SCMH1: variants seen among roughly 807,000 people sequenced by gnomAD.
SCMH1 encodes Scm polycomb group protein homolog 1.
Under a neutral mutation model 70.8 loss-of-function variants are expected in SCMH1, and 37 were observed. The ratio of observed to expected loss-of-function variants is 0.52; its 90% CI spans 0.40 to 0.69. The LOEUF is 0.69. Ranked by LOEUF, SCMH1 falls within the 30% of genes least tolerant of loss-of-function variation. The pLI is 0.00. For missense variants in SCMH1, 607 were observed against 827.3 expected (o/e 0.73, Z 3.27); for synonymous variants, 292 against 307.4 (o/e 0.95, Z 0.52).
chr1:41,181,909 T>C (rs897748696), intron 2 of SCMH1, among the ~76,000 whole-genome samples: 2 of 152,222 alleles, frequency 1.3e-5, no homozygotes, highest in African/African-American at 4.8e-5. Flanking sequence ...CGTATGTTTA[T>C]TGCGGCACTA....
At chr1:41,135,801 C>T (rs1387529022) in intron 6 of SCMH1, among the ~76,000 whole-genome samples, 1 of 152,146 alleles carries the variant, frequency 6.6e-6, no homozygotes, top group African/African-American at 2.4e-5. Context: ...TCCACCATTG[C>T]AGAAAGTTCT....
chr1:41,117,425 A>G (rs747751662), intron 6 of SCMH1, among the ~76,000 whole-genome samples: 8 of 152,142 alleles, frequency 5.3e-5, no homozygotes, highest in Non-Finnish European at 4.4e-5. Context: ...GCCCGTTGCC[A>G]AGCGGACCGT....
At chr1:41,225,740 G>A (rs1053260508) in intron 1 of SCMH1, among the ~76,000 whole-genome samples, 1 of 152,192 alleles carries the variant, frequency 6.6e-6, no homozygotes, top group East Asian at 1.9e-4. Context: ...ATGGCCTATA[G>A]AAAATGACAG....
intron 1 of SCMH1, among the ~76,000 whole-genome samples, chr1:41,207,253 TAA>T (rs1283784397): frequency 1.3e-5 from 2 of 152,068 alleles, no homozygotes; most frequent in East Asian, 1.9e-4. Flanking sequence ...GCAAATTGGA[TAA>T]AGAGTCAAGA....
intron 7 of SCMH1, among the ~76,000 whole-genome samples, chr1:41,116,130 T>A (rs1670412032): frequency 6.6e-6 from 1 of 152,204 alleles, no homozygotes. Flanking sequence ...TTTTGGTAGA[T>A]CCCTTTACTG....
chr1:41,206,381 G>A (rs746339342), intron 1 of SCMH1, among the ~76,000 whole-genome samples: 5 of 152,166 alleles, frequency 3.3e-5, no homozygotes, highest in Non-Finnish European at 5.9e-5. Context: ...ACCATGGCAC[G>A]AGAACTTCAT....
At chr1:41,176,624 G>T (rs1647168902) in intron 2 of SCMH1, among the ~76,000 whole-genome samples, 1 of 152,222 alleles carries the variant, frequency 6.6e-6, no homozygotes, top group Non-Finnish European at 1.5e-5. Flanking sequence ...GGCTCGGAGG[G>T]TCCTATGCCC....
Position 41,210,734 on chromosome 1 carries a change from A to G in SCMH1, c.-117-24484T>C, listed in dbSNP as rs143469951. ...AAGATGAATTAAAGACTTAAATGTT[A>G]GACCTAAAACCATAAAAACCCTAGA... On this transcript the variant is annotated intron_variant, in intron 1 of 14. Coordinates refer to ENST00000337495, the Ensembl canonical transcript of SCMH1. Among the ~76,000 whole-genome samples, 1,098 of 152,318 alleles carry G rather than the reference A, an allele frequency of 7.2e-3. 16 individuals are homozygous for G. The highest frequency in any genetic ancestry group is 0.025 in the African/African-American group (1,039 of 41,562).
At chr1:41,107,502 T>G (rs527539373) in intron 8 of SCMH1, among the ~76,000 whole-genome samples, 1 of 151,620 alleles carries the variant, frequency 6.6e-6, no homozygotes, top group Non-Finnish European at 1.5e-5. Flanking sequence ...CTAGTTTTTC[T>G]CTCTGTAGTC....
At chr1:41,044,834 G>C (rs369670105) in intron 12 of SCMH1, among the ~76,000 whole-genome samples, 1 of 152,122 alleles carries the variant, frequency 6.6e-6, no homozygotes. Flanking sequence ...TCATGCCCCG[G>C]TCCCAAACCA....
At chr1:41,090,074 G>C (rs999200592) in intron 8 of SCMH1, among the ~76,000 whole-genome samples, 2 of 152,000 alleles carry the variant, frequency 1.3e-5, no homozygotes, top group Non-Finnish European at 2.9e-5. Flanking sequence ...TTACAGGTGT[G>C]AGCCACCATG....
intron 1 of SCMH1, among the ~76,000 whole-genome samples, chr1:41,215,233 T>A (rs925867650): frequency 1.3e-5 from 2 of 152,162 alleles, no homozygotes; most frequent in Non-Finnish European, 2.9e-5. Context: ...AGCTTTCTAA[T>A]TGGTCTCTCT....
intron 4 of SCMH1, among the ~76,000 whole-genome samples, chr1:41,160,112 A>G (rs1317428769): frequency 6.6e-6 from 1 of 152,168 alleles, no homozygotes; most frequent in Admixed American, 6.5e-5. Flanking sequence ...ATGGAAAGTA[A>G]TATGTTGCAG....
chr1:41,036,396 C>T (rs1645298666), intron 13 of SCMH1, among the ~76,000 whole-genome samples: 1 of 152,352 alleles, frequency 6.6e-6, no homozygotes, highest in Admixed American at 6.5e-5. Flanking sequence ...ACAGTCCTCA[C>T]TCCCTTCTTC....
rs377457192 is a variant in SCMH1 at position 41,172,184 on chromosome 1, C to CAAA, written c.14-10755_14-10753dup. 7.0e-5 allele frequency among the ~76,000 whole-genome samples: 6 copies of CAAA among 85,788 alleles called. No homozygotes were observed. In the East Asian group the frequency reaches 1.7e-3, roughly 24 times the overall value. 56.3% of individuals were successfully genotyped at this position (85,788 alleles called of 152,430 possible). A position where few individuals can be genotyped will look rare whatever the true frequency, so the allele number is the denominator to read the frequency against. ...TGGGCGACAGAGCGAGACTCCATCT[C>CAAA]AAAAAAAAAAAAAAAAACGCTGTAC... is the stretch of plus-strand genomic sequence containing the variant. On this transcript the variant is annotated intron_variant, in intron 2 of 14. Transcript: ENST00000337495.
At chr1:41,175,869 TTTAAAA>T (rs1647084423) in intron 2 of SCMH1, among the ~76,000 whole-genome samples, 1 of 152,202 alleles carries the variant, frequency 6.6e-6, no homozygotes, top group Non-Finnish European at 1.5e-5. Context: ...TAGATTAGGC[TTTAAAA>T]TTACTGACAA....
intron 6 of SCMH1, among the ~76,000 whole-genome samples, chr1:41,119,708 A>G (rs1422843842): frequency 5.3e-5 from 8 of 152,190 alleles, no homozygotes; most frequent in Admixed American, 2.0e-4. Context: ...GCACTGCTAC[A>G]TGGAGAACAG....
chr1:41,116,345 C>T (rs1670467299), intron 7 of SCMH1, among the ~76,000 whole-genome samples: 2 of 152,234 alleles, frequency 1.3e-5, no homozygotes, highest in Admixed American at 1.3e-4. Flanking sequence ...GATAGACTCA[C>T]TGCCTCACTT....
chr1:41,073,356 C>T (rs1351974161), intron 9 of SCMH1, among the ~76,000 whole-genome samples: 3 of 152,152 alleles, frequency 2.0e-5, no homozygotes, highest in African/African-American at 7.2e-5. Context: ...TAAGTTTTCT[C>T]CCTCTTCTGA....
Sources: allele counts gnomAD v4.1 joint callset (sites outside exome capture counted in the v4.1 genomes callset), GRCh38; gene constraint gnomAD v4.1.1; transcripts MANE v1.5; gene names NCBI Gene and HGNC (gene_info 2026-07-23, HGNC 2026-07-21).